UGGT2: variants seen among roughly 807,000 people sequenced by gnomAD.
The protein encoded by UGGT2 is UDP-glucose:glycoprotein glucosyltransferase 2.
UGGT2 carries 180 observed loss-of-function variants against 192.1 expected under a neutral mutation model. That is an observed-to-expected ratio of 0.94 (90% confidence interval 0.83 to 1.06). UGGT2 has a LOEUF of 1.06. Ranked by LOEUF, UGGT2 falls within the 50% of genes least tolerant of loss-of-function variation. The pLI, the probability that UGGT2 is intolerant of heterozygous loss-of-function variation, is 0.00. For synonymous variants in UGGT2, 580 were observed against 591.0 expected, an observed-to-expected ratio of 0.98 and a Z score of 0.27; for missense variants, 1,849 against 1,795.7, an observed-to-expected ratio of 1.03 and a Z score of -0.54.
At position 95,804,844 on chromosome 13, in the gene UGGT2, G is replaced by C. The variant is rs935319898; in HGVS notation, c.4529-3032C>G. Among the ~76,000 whole-genome samples the C allele has an allele frequency of 2.6e-5, 4 of 152,140 alleles. No individual in the cohort carries two copies. In the East Asian group the frequency reaches 7.7e-4, roughly 29 times the overall value. The stretch of plus-strand genomic sequence containing the variant: ...GACCTGAAATTATAAAACTCCTGAG[G>C]AACACATAGGGAAAAATCTTCATGA... On this transcript the variant is annotated intron_variant, in intron 38 of 38. Transcript: ENST00000376747.
At chr13:95,831,295 CTT>C (rs1325535572) in intron 38 of UGGT2, among the ~76,000 whole-genome samples, 1 of 151,934 alleles carries the variant, frequency 6.6e-6, no homozygotes, top group African/African-American at 2.4e-5. Context: ...AAAAAAATCT[CTT>C]TTGTAAAACT....
rs558367131 is a variant in UGGT2, at chr13:96,015,281, A to C, written c.486-1800T>G. Among the ~76,000 whole-genome samples the C allele has an allele frequency of 2.0e-5, 3 of 151,458 alleles. No individual in the cohort carries two copies. The East Asian group carries it at 5.8e-4, about 29-fold the overall frequency. ...CAACAGAGCAAGACTCCGTCTCAAA[A>C]AAAAAAAAAAAGAAAGAAAACTAGA... On this transcript the variant is annotated intron_variant, in intron 4 of 38. Transcript: ENST00000376747.
intron 20 of UGGT2, among the ~76,000 whole-genome samples, chr13:95,912,226 G>A (rs1274416623): frequency 6.6e-6 from 1 of 152,226 alleles, no homozygotes; most frequent in Non-Finnish European, 1.5e-5. Flanking sequence ...AGTGTTGGAA[G>A]TTCTGGCCAG....
Position 96,012,483 on chromosome 13 carries a change from C to T in UGGT2, c.660+824G>A, listed in dbSNP as rs7139579. 2.9e-3 allele frequency among the ~76,000 whole-genome samples: 434 copies of T among 151,398 alleles called. 3 individuals are homozygous for T. Among genetic ancestry groups the T allele is most frequent in the African/African-American group, 1.0e-2 (411 of 41,286 alleles). On this transcript the variant is annotated intron_variant, in intron 5 of 38. Coordinates refer to ENST00000376747, the MANE Select transcript of UGGT2 (RefSeq NM_020121.4). ...AGAAATGCACTAGGAGAAGATACTG[C>T]GAAGTATGGAAGAAAATATTAGTAT...
intron 20 of UGGT2, among the ~76,000 whole-genome samples, chr13:95,919,790 T>C (rs1225376658): frequency 6.6e-6 from 1 of 152,186 alleles, no homozygotes; most frequent in Non-Finnish European, 1.5e-5. Flanking sequence ...CTAAGTAATT[T>C]ATAGATTCAA....
intron 15 of UGGT2, among the ~76,000 whole-genome samples, chr13:95,946,336 T>C (rs968685731): frequency 6.6e-6 from 1 of 152,200 alleles, no homozygotes; most frequent in Non-Finnish European, 1.5e-5. Flanking sequence ...GAAGTGTTTA[T>C]ATGCTATGTC....
intron 12 of UGGT2, among the ~76,000 whole-genome samples, chr13:95,960,312 G>C (rs2050347252): frequency 6.6e-6 from 1 of 152,110 alleles, no homozygotes; most frequent in African/African-American, 2.4e-5. Flanking sequence ...TGAGCTATAA[G>C]AGAATACTTT....
chr13:96,032,201 T>C (rs996378994), intron 1 of UGGT2, among the ~76,000 whole-genome samples: 8 of 152,136 alleles, frequency 5.3e-5, no homozygotes, highest in African/African-American at 1.9e-4. Context: ...AGGAAAAGGC[T>C]TCATGAGAAA....
Position 95,983,862 on chromosome 13 carries a change from G to C in UGGT2, c.1034C>G (p.Ser345Cys), listed in dbSNP as rs1272555113. Reference protein sequence around the residue: ...ISQNFPIKARSLTRIAVNQHM... With the variant: ...ISQNFPIKARCLTRIAVNQHM... ...TTGATTTACAGCAATTCTGGTTAGAGATCTGGAAAAATGAATACTAATATA... is the reference window on the plus strand; with the variant it reads ...TTGATTTACAGCAATTCTGGTTAGACATCTGGAAAAATGAATACTAATATA... The change falls in exon 10 of 39, where the codon TCT (serine) becomes TGT (cysteine). Residue 345 changes from serine (S) to cysteine (C), a missense_variant and splice_region_variant. Physicochemically the swap from Ser to Cys is moderately radical, Grantham distance 112 (BLOSUM62 -1). Coordinates refer to ENST00000376747, the MANE Select transcript of UGGT2 (RefSeq NM_020121.4). The C allele has an allele frequency of 6.4e-7, 1 of 1,555,712 alleles. No homozygotes were observed. Among genetic ancestry groups the C allele is most frequent in the Admixed American group, 1.9e-5 (1 of 51,614 alleles).
At chr13:95,940,141 TTTC>T (rs1169856715) in intron 15 of UGGT2, 50 bp from the exon 16 acceptor site, 33 of 1,332,086 alleles carry the variant, frequency 2.5e-5, no homozygotes, top group Middle Eastern at 2.3e-4. Context: ...AGCAATTAGT[TTTC>T]TTTTTTTTCC....
At position 95,927,338 on chromosome 13, in the gene UGGT2, T is replaced by TAA; in HGVS notation, c.1978-4_1978-3dup. The stretch of plus-strand genomic sequence containing the variant: ...ATTCGTGCGATCATTTAATGTGCCC[T>TAA]AAAAAAACAAAAATGTTATTTAGAT... On this transcript the variant is annotated splice_polypyrimidine_tract_variant and splice_region_variant and intron_variant, in intron 17 of 38. Coordinates refer to ENST00000376747, the MANE Select transcript of UGGT2 (RefSeq NM_020121.4). 1 of 1,592,428 alleles carries TAA rather than the reference T, an allele frequency of 6.3e-7. No homozygotes were observed. Among genetic ancestry groups the TAA allele is most frequent in the Non-Finnish European group, 8.5e-7 (1 of 1,173,372 alleles).
rs7329687 is a variant in UGGT2 at position 95,810,129 on chromosome 13, C to T, written c.4529-8317G>A. Among the ~76,000 whole-genome samples the T allele has an allele frequency of 3.1e-3, 466 of 152,258 alleles. 4 individuals are homozygous for T. The highest frequency in any genetic ancestry group is 9.9e-3 in the African/African-American group (411 of 41,540). The stretch of plus-strand genomic sequence containing the variant: ...AATCTGTTGTACATATCAAGCAATT[C>T]GACTTTTTTTTGTAATATCATGGCT... On this transcript the variant is annotated intron_variant, in intron 38 of 38. Coordinates refer to ENST00000376747, the MANE Select transcript of UGGT2 (RefSeq NM_020121.4).
chr13:96,019,980 G>T (rs936415431), intron 4 of UGGT2, among the ~76,000 whole-genome samples: 1 of 152,192 alleles, frequency 6.6e-6, no homozygotes, highest in African/African-American at 2.4e-5. Context: ...TGTGAACTGA[G>T]GGCCCTTTTG....
intron 19 of UGGT2, among the ~76,000 whole-genome samples, chr13:95,926,546 TAATTGTACCCTA>T (rs2049021169): frequency 6.6e-6 from 1 of 152,222 alleles, no homozygotes; most frequent in South Asian, 2.1e-4. Context: ...TCTGAATAGT[TAATTGTACCCTA>T]ACAAATCTAC....
chr13:95,952,297 T>C (rs183341296), intron 12 of UGGT2, among the ~76,000 whole-genome samples: 7 of 152,214 alleles, frequency 4.6e-5, no homozygotes, highest in East Asian at 1.9e-4. Context: ...TCTGTGGTCA[T>C]TCTGATACTG....
chr13:95,930,386 T>A (rs761055307), intron 17 of UGGT2, among the ~76,000 whole-genome samples: 4 of 151,930 alleles, frequency 2.6e-5, no homozygotes, highest in Admixed American at 6.6e-5. Context: ...CTTCTAGAAT[T>A]CTTATAGTTT....
chr13:95,997,644 AG>A (rs1454582072), intron 6 of UGGT2, among the ~76,000 whole-genome samples: 1 of 151,170 alleles, frequency 6.6e-6, no homozygotes, highest in African/African-American at 2.5e-5. Context: ...ATTCCATCTC[AG>A]GAAAAAAAAG....
chr13:95,848,587 G>T (rs969924298), intron 36 of UGGT2, among the ~76,000 whole-genome samples: 1 of 152,116 alleles, frequency 6.6e-6, no homozygotes, highest in African/African-American at 2.4e-5. Context: ...AAGATTGGGT[G>T]ACTATATTTA....
chr13:96,023,882 G>A, intron 2 of UGGT2, 123 bp from the exon 3 acceptor site: 1 of 763,430 alleles, frequency 1.3e-6, no homozygotes. Flanking sequence ...TATGGATAAT[G>A]CTAGAGAAAA....
Sources: allele counts gnomAD v4.1 joint callset (sites outside exome capture counted in the v4.1 genomes callset), GRCh38; gene constraint gnomAD v4.1.1; transcripts MANE v1.5; gene names NCBI Gene and HGNC (gene_info 2026-07-23, HGNC 2026-07-21).